Variants in DYNC2LI1 observed in about 807,000 individuals in gnomAD.
The protein encoded by DYNC2LI1 is cytoplasmic dynein 2 light intermediate chain 1.
In DYNC2LI1, 45 loss-of-function variants were observed where a neutral mutation model predicts 51.9. That is an observed-to-expected ratio of 0.87 (90% CI 0.68 to 1.11). The LOEUF is 1.11. Ranked by LOEUF, DYNC2LI1 falls within the 50% of genes most tolerant of loss-of-function variation. The pLI is 0.00. For synonymous variants in DYNC2LI1, 130 were observed against 137.8 expected, an observed-to-expected ratio of 0.94 and a Z score of 0.40; for missense variants, 490 against 417.4, an observed-to-expected ratio of 1.17 and a Z score of -1.51.
the DYNC2LI1 span, chr2:43,824,083 G>C: frequency 3.1e-6 from 5 of 1,614,192 alleles, no homozygotes; most frequent in Non-Finnish European, 4.2e-6. Flanking sequence ...CGTAATCACT[G>C]CCAGCTTATT....
chr2:43,789,603 T>A lies in DYNC2LI1; in HGVS notation c.232-30T>A, dbSNP rs370458576. 4.4e-6 allele frequency: 7 copies of A among 1,598,818 alleles called. No individual in the cohort carries two copies. In the African/African-American group the frequency reaches 9.4e-5, roughly 21 times the overall value. ...AATGACATATAAGAAGTACTTAAAC[T>A]TCAAAAAATCAAAAATTTTTGTTTT... On this transcript the variant is annotated intron_variant, in intron 4 of 12. Transcript: ENST00000260605.
chr2:43,822,791 C>T, the DYNC2LI1 span: 3 of 1,614,098 alleles, frequency 1.9e-6, no homozygotes, highest in South Asian at 3.3e-5. Context: ...CTGAACAACC[C>T]CTCACCAGTA....
chr2:43,813,286 T>C (rs144063868), downstream of DYNC2LI1: 24 of 1,613,576 alleles, frequency 1.5e-5, no homozygotes, highest in Admixed American at 2.0e-4. Flanking sequence ...ATTGGATTAG[T>C]TGTCACAGAA....
intron 3 of DYNC2LI1, among the ~76,000 whole-genome samples, chr2:43,786,197 C>T (rs1673512642): frequency 6.6e-6 from 1 of 152,086 alleles, no homozygotes; most frequent in Non-Finnish European, 1.5e-5. Context: ...TAAAGTCTTG[C>T]ATTGTTTTTG....
chr2:43,777,200 A>T (rs1392359470), intron 2 of DYNC2LI1, among the ~76,000 whole-genome samples: 1 of 152,224 alleles, frequency 6.6e-6, no homozygotes, highest in East Asian at 1.9e-4. Flanking sequence ...TAAATCAGTA[A>T]GTCAGTATCT....
chr2:43,804,541 T>A, intron 10 of DYNC2LI1, 101 bp from the exon 11 acceptor site: 1 of 730,984 alleles, frequency 1.4e-6, no homozygotes, highest in South Asian at 2.3e-5. Context: ...GGAAAATGAG[T>A]GATCCGAGAT....
the DYNC2LI1 span, among the ~76,000 whole-genome samples, chr2:43,820,493 C>T: frequency 4.6e-4 from 70 of 152,232 alleles, no homozygotes; most frequent in Non-Finnish European, 7.2e-4. Flanking sequence ...TCACCCAACC[C>T]GCTTCCCAGC....
chr2:43,801,955 A>G (rs1666091436), intron 10 of DYNC2LI1, among the ~76,000 whole-genome samples: 2 of 152,132 alleles, frequency 1.3e-5, no homozygotes, highest in Non-Finnish European at 2.9e-5. Flanking sequence ...TCCACTGAAA[A>G]ACAAATTGCA....
At chr2:43,810,387 C>G (rs971121675), downstream of DYNC2LI1, 1 of 985,258 alleles carries the variant, frequency 1.0e-6, no homozygotes, top group African/African-American at 1.7e-5. Context: ...ACAGGCACAT[C>G]TAAGGAGATA....
chr2:43,824,152 C>T, the DYNC2LI1 span: 11 of 1,614,108 alleles, frequency 6.8e-6, no homozygotes, highest in Non-Finnish European at 9.3e-6. Context: ...AATTCCTTTT[C>T]AGAATTGTTA....
chr2:43,783,791 A>C (rs1478867420), intron 3 of DYNC2LI1, among the ~76,000 whole-genome samples: 1 of 152,208 alleles, frequency 6.6e-6, no homozygotes, highest in East Asian at 1.9e-4. Context: ...ATGTTACCAT[A>C]ATTACCCAAC....
intron 2 of DYNC2LI1, among the ~76,000 whole-genome samples, chr2:43,778,682 C>G (rs1218017003): frequency 6.6e-6 from 1 of 152,176 alleles, no homozygotes; most frequent in Non-Finnish European, 1.5e-5. Flanking sequence ...GTACTGATTA[C>G]TGACTCCATC....
At chr2:43,786,089 T>C (rs1389631988) in intron 3 of DYNC2LI1, among the ~76,000 whole-genome samples, 7 of 152,252 alleles carry the variant, frequency 4.6e-5, no homozygotes, top group African/African-American at 1.7e-4. Context: ...CATTACTGAT[T>C]TTAAGGACTT....
chr2:43,802,288 T>C (rs1367097326), intron 10 of DYNC2LI1, among the ~76,000 whole-genome samples: 1 of 152,124 alleles, frequency 6.6e-6, no homozygotes, highest in African/African-American at 2.4e-5. Context: ...CAGAAACTGT[T>C]TTCATTGTGA....
chr2:43,808,964 TACACACAC>T (rs56090427), intron 12 of DYNC2LI1, among the ~76,000 whole-genome samples: 90 of 145,564 alleles, frequency 6.2e-4, no homozygotes, highest in African/African-American at 1.6e-3. Context: ...GGACAAAGGA[TACACACAC>T]ACACACACAC....
At chr2:43,809,305 T>A (rs2104729072) in intron 12 of DYNC2LI1, among the ~76,000 whole-genome samples, 1 of 152,318 alleles carries the variant, frequency 6.6e-6, no homozygotes, top group Non-Finnish European at 1.5e-5. Context: ...GTATGTATTT[T>A]TTAAATATTT....
At chr2:43,809,008 T>A (rs1247460837) in intron 12 of DYNC2LI1, among the ~76,000 whole-genome samples, 1 of 150,502 alleles carries the variant, frequency 6.6e-6, no homozygotes, top group Non-Finnish European at 1.5e-5. Flanking sequence ...CACTTTTTTG[T>A]GACAGGATCT....
rs1301661927 is a variant in DYNC2LI1 at position 43,786,510 on chromosome 2, A to G, written c.162-671A>G. Among the ~76,000 whole-genome samples, 3 of 152,070 alleles carry G rather than the reference A, an allele frequency of 2.0e-5. No homozygotes were observed. The East Asian group carries it at 5.8e-4, about 29-fold the overall frequency. Reference sequence around the variant, plus strand: ...TCTTGCATTGATGTTTTAAATTGACAGTCATTAGGTTCCTCACATCAGGGC... The same window carrying G: ...TCTTGCATTGATGTTTTAAATTGACGGTCATTAGGTTCCTCACATCAGGGC... On this transcript the variant is annotated intron_variant, in intron 3 of 12. Coordinates refer to ENST00000260605, the MANE Select transcript of DYNC2LI1 (RefSeq NM_016008.4).
chr2:43,776,703 T>C, intron 1 of DYNC2LI1, 79 bp from the exon 2 acceptor site: 1 of 679,298 alleles, frequency 1.5e-6, no homozygotes, highest in South Asian at 2.2e-5. Flanking sequence ...TATACTGAAA[T>C]AAAATTTCTC....
Sources: allele counts gnomAD v4.1 joint callset (sites outside exome capture counted in the v4.1 genomes callset), GRCh38; gene constraint gnomAD v4.1.1; transcripts MANE v1.5; gene names NCBI Gene and HGNC (gene_info 2026-07-23, HGNC 2026-07-21).